Variants in CADPS2 observed in about 807,000 individuals in gnomAD.
CADPS2 encodes the protein calcium dependent secretion activator 2.
In CADPS2, 93 loss-of-function variants were observed where a neutral mutation model predicts 172.5. That is an observed-to-expected ratio of 0.54 (90% CI 0.46 to 0.64). CADPS2 has a LOEUF of 0.64. CADPS2 is among the 30% of genes least tolerant of loss of function. The pLI is 0.00. For missense variants in CADPS2, 1,420 were observed against 1,565.9 expected (o/e 0.91, Z 1.57); for synonymous variants, 546 against 555.2 (o/e 0.98, Z 0.23).
At chr7:122,414,190 G>C (rs1585783504) in intron 18 of CADPS2, 114 bp from the exon 19 acceptor site, 2 of 619,966 alleles carry the variant, frequency 3.2e-6, no homozygotes, top group Non-Finnish European at 5.1e-6. Flanking sequence ...ATATCGTATA[G>C]TGATATTTAT....
intron 8 of CADPS2, among the ~76,000 whole-genome samples, chr7:122,539,758 T>TCTCC (rs1426437562): frequency 6.3e-4 from 96 of 152,072 alleles, no homozygotes; most frequent in African/African-American, 1.4e-3. Flanking sequence ...TCTGTCTCTC[T>TCTCC]CTGTCTCTGT....
chr7:122,737,868 A>G (rs1173087247), intron 1 of CADPS2, among the ~76,000 whole-genome samples: 2 of 152,184 alleles, frequency 1.3e-5, no homozygotes, highest in African/African-American at 4.8e-5. Context: ...AAAAGACAGA[A>G]CGTACCCTAA....
At chr7:122,877,211 C>T (rs909342179) in intron 1 of CADPS2, among the ~76,000 whole-genome samples, 101 of 152,150 alleles carry the variant, frequency 6.6e-4, no homozygotes, top group African/African-American at 2.4e-3. Flanking sequence ...TGATAACATT[C>T]AGTATCAATT....
At chr7:122,615,330 T>C in intron 5 of CADPS2, 31 bp from the exon 6 acceptor site, 4 of 1,370,014 alleles carry the variant, frequency 2.9e-6, no homozygotes, top group Non-Finnish European at 4.1e-6. Context: ...AAATAATGCA[T>C]CAAGTTGATA....
chr7:122,444,644 T>C (rs1192655487), intron 15 of CADPS2, among the ~76,000 whole-genome samples: 2 of 152,146 alleles, frequency 1.3e-5, no homozygotes, highest in Non-Finnish European at 2.9e-5. Context: ...ATTTTTTAAA[T>C]TGGGTTAATA....
At chr7:122,506,263 C>T (rs577497637) in intron 9 of CADPS2, among the ~76,000 whole-genome samples, 23 of 152,120 alleles carry the variant, frequency 1.5e-4, no homozygotes, top group Non-Finnish European at 2.9e-4. Context: ...AAATTGAAAT[C>T]GAAAATCCCT....
chr7:122,493,712 T>C (rs1000108593), intron 9 of CADPS2, among the ~76,000 whole-genome samples: 15 of 134,372 alleles, frequency 1.1e-4, no homozygotes, highest in African/African-American at 3.3e-4. Flanking sequence ...AGCGTGGTTA[T>C]GTTTAATCTT....
At chr7:122,359,854 A>T (rs1211424355) in intron 27 of CADPS2, among the ~76,000 whole-genome samples, 1 of 152,130 alleles carries the variant, frequency 6.6e-6, no homozygotes, top group Non-Finnish European at 1.5e-5. Flanking sequence ...CATTTAAAAT[A>T]CTCATTTATA....
At chr7:122,335,669 A>C (rs914371939) in intron 28 of CADPS2, among the ~76,000 whole-genome samples, 1 of 152,236 alleles carries the variant, frequency 6.6e-6, no homozygotes, top group Non-Finnish European at 1.5e-5. Flanking sequence ...ACGTTCAAAT[A>C]CTGCATCCTA....
chr7:122,450,693 G>T (rs1018033433), intron 15 of CADPS2, among the ~76,000 whole-genome samples: 1 of 151,706 alleles, frequency 6.6e-6, no homozygotes, highest in Non-Finnish European at 1.5e-5. Flanking sequence ...ACCATGTCTG[G>T]CTGGTTAAGT....
At chr7:122,722,283 C>T (rs1328405802) in intron 2 of CADPS2, among the ~76,000 whole-genome samples, 2 of 151,938 alleles carry the variant, frequency 1.3e-5, no homozygotes, top group East Asian at 1.9e-4. Flanking sequence ...GATTGTATAT[C>T]TAGAAAACCC....
At chr7:122,816,138 C>G (rs536632525) in intron 1 of CADPS2, among the ~76,000 whole-genome samples, 59 of 152,096 alleles carry the variant, frequency 3.9e-4, no homozygotes, top group African/African-American at 1.3e-3. Context: ...ATTTTTTTAA[C>G]CACTAGCCAA....
At chr7:122,422,288 A>G (rs1161475222) in intron 17 of CADPS2, among the ~76,000 whole-genome samples, 1 of 152,200 alleles carries the variant, frequency 6.6e-6, no homozygotes, top group Non-Finnish European at 1.5e-5. Context: ...GAGAGCCTGT[A>G]AAGAACAAGG....
intron 14 of CADPS2, among the ~76,000 whole-genome samples, chr7:122,467,579 C>T (rs1172462632): frequency 6.6e-6 from 1 of 152,072 alleles, no homozygotes; most frequent in Non-Finnish European, 1.5e-5. Context: ...ACTCTTGTGC[C>T]CTGTACTTGA....
intron 9 of CADPS2, among the ~76,000 whole-genome samples, chr7:122,492,580 A>C (rs2058389265): frequency 6.6e-6 from 1 of 152,208 alleles, no homozygotes; most frequent in South Asian, 2.1e-4. Context: ...GTCCCCCAAC[A>C]GAGATAGAGG....
chr7:122,440,289 C>T (rs1344590262), intron 16 of CADPS2: 6 of 152,200 alleles, frequency 3.9e-5, no homozygotes, highest in African/African-American at 1.4e-4. Flanking sequence ...GAGGCTCTGC[C>T]ATGGAAACCA....
At chr7:122,399,927 G>A (rs1398662242) in intron 20 of CADPS2, among the ~76,000 whole-genome samples, 28 of 147,830 alleles carry the variant, frequency 1.9e-4, no homozygotes, top group African/African-American at 5.9e-4. Flanking sequence ...GTCCGCCTCC[G>A]CCTCCCAAAG....
chr7:122,676,717 G>C, intron 2 of CADPS2: 2 of 1,572,188 alleles, frequency 1.3e-6, no homozygotes, highest in South Asian at 1.2e-5. Flanking sequence ...GTACAGGAAG[G>C]ACATGGGGCC....
chr7:122,529,662 C>T (rs555589507), intron 8 of CADPS2, among the ~76,000 whole-genome samples: 2 of 152,152 alleles, frequency 1.3e-5, no homozygotes, highest in South Asian at 4.1e-4. Flanking sequence ...TTTTGGATGG[C>T]ACCATCTAAA....
Sources: allele counts gnomAD v4.1 joint callset (sites outside exome capture counted in the v4.1 genomes callset), GRCh38; gene constraint gnomAD v4.1.1; transcripts MANE v1.5; gene names NCBI Gene and HGNC (gene_info 2026-07-23, HGNC 2026-07-21).